Variants in UGGT2 observed in about 807,000 individuals in gnomAD.
The protein encoded by UGGT2 is UDP-glucose:glycoprotein glucosyltransferase 2.
A neutral mutation model predicts 192.1 loss-of-function variants in UGGT2; 180 were observed. The observed-to-expected ratio is 0.94, with a 90% CI of 0.83 to 1.06. The LOEUF (loss-of-function observed/expected upper bound fraction) is 1.06. Among genes scored for constraint, UGGT2 ranks in the 50% least tolerant of loss-of-function variants. The pLI is 0.00. For missense variants in UGGT2, 1,849 were observed against 1,795.7 expected (o/e 1.03, Z -0.54); for synonymous variants, 580 against 591.0 (o/e 0.98, Z 0.27).
At position 95,902,885 on chromosome 13, in the gene UGGT2, G is replaced by T. The variant is rs778301674; in HGVS notation, c.2471C>A (p.Ser824Tyr). Residue 824 changes from serine to tyrosine, a missense_variant, in exon 21 of 39, where the codon TCT (serine) becomes TAT (tyrosine). Transcript: ENST00000376747. ...AAGGAATGTTTTAATTTTATCTCCA[G>T]AGTAAATAGCTGTAGCAATTTCTTC... is the stretch of plus-strand genomic sequence containing the variant. Reference protein sequence around the residue: ...AKEEIATAIYSGDKIKTFLIE... With the variant: ...AKEEIATAIYYGDKIKTFLIE... The T allele has an allele frequency of 6.2e-7, 1 of 1,613,258 alleles. No individual in the cohort carries two copies. Among genetic ancestry groups the T allele is most frequent in the African/African-American group, 1.3e-5 (1 of 74,990 alleles).
At chr13:96,028,326 T>C (rs1239460529) in intron 2 of UGGT2, among the ~76,000 whole-genome samples, 1 of 152,256 alleles carries the variant, frequency 6.6e-6, no homozygotes, top group East Asian at 1.9e-4. Flanking sequence ...TTAACATTTT[T>C]TGAAAATTTC....
At position 95,905,725 on chromosome 13, in the gene UGGT2, T is replaced by C. The variant is rs1048619564; in HGVS notation, c.2296-2665A>G. 6.6e-5 allele frequency among the ~76,000 whole-genome samples: 10 copies of C among 152,352 alleles called. No homozygotes were observed. In the East Asian group the frequency reaches 1.2e-3, roughly 18 times the overall value. The stretch of plus-strand genomic sequence containing the variant: ...CCTTGTAGTATAGTTTGAAGTCAGA[T>C]AGTGTGATGCCTCCAGCTTTGTTCT... On this transcript the variant is annotated intron_variant, in intron 20 of 38. Coordinates refer to ENST00000376747, the MANE Select transcript of UGGT2 (RefSeq NM_020121.4).
At chr13:95,931,879 GC>G (rs779709451) in intron 17 of UGGT2, among the ~76,000 whole-genome samples, 112 of 152,282 alleles carry the variant, frequency 7.4e-4, no homozygotes, top group Non-Finnish European at 1.4e-3. Flanking sequence ...CCAGAGAGGG[GC>G]CCCCACAGTG....
chr13:95,947,460 A>AT (rs1386856731), intron 14 of UGGT2, among the ~76,000 whole-genome samples: 6 of 149,292 alleles, frequency 4.0e-5, no homozygotes, highest in Admixed American at 6.6e-5. Flanking sequence ...TTTTATTTTT[A>AT]TTTTTTTTGA....
At chr13:95,859,773 T>G (rs1889984083) in intron 32 of UGGT2, 98 bp from the exon 33 acceptor site, 2 of 883,790 alleles carry the variant, frequency 2.3e-6, no homozygotes, top group Admixed American at 6.8e-5. Context: ...TAATTTTAAT[T>G]TCTTAAATTT....
intron 12 of UGGT2, among the ~76,000 whole-genome samples, chr13:95,954,377 C>A (rs1216806537): frequency 6.6e-6 from 1 of 152,182 alleles, no homozygotes; most frequent in African/African-American, 2.4e-5. Context: ...GGGAGTCAGA[C>A]AGGCCTCATT....
chr13:95,844,189 T>C (rs967325356), intron 36 of UGGT2, among the ~76,000 whole-genome samples: 1 of 152,148 alleles, frequency 6.6e-6, no homozygotes, highest in Non-Finnish European at 1.5e-5. Flanking sequence ...CTTCAACTCC[T>C]GACCTCAAGT....
chr13:95,991,853 CAGTCACTG>C (rs1429978327), intron 7 of UGGT2, among the ~76,000 whole-genome samples: 2 of 152,088 alleles, frequency 1.3e-5, no homozygotes, highest in Non-Finnish European at 2.9e-5. Context: ...TTGAAATGAG[CAGTCACTG>C]AGTCACTGTG....
Position 95,839,152 on chromosome 13 carries a change from C to T in UGGT2, c.4285-1950G>A, listed in dbSNP as rs1055075389. Among the ~76,000 whole-genome samples, 10 of 152,106 alleles carry T rather than the reference C, an allele frequency of 6.6e-5. 1 individual carries two copies. Among genetic ancestry groups the T allele is most frequent in the Admixed American group, 6.6e-5 (1 of 15,260 alleles). On this transcript the variant is annotated intron_variant, in intron 36 of 38. Transcript: ENST00000376747. ...GAGTTCCATGAGTACAGGACACACACACACACTACCCCCCATGCCGACTGT... is the reference window on the plus strand; with the variant it reads ...GAGTTCCATGAGTACAGGACACACATACACACTACCCCCCATGCCGACTGT...
At chr13:96,005,936 GA>G (rs963181437) in intron 5 of UGGT2, among the ~76,000 whole-genome samples, 1 of 152,154 alleles carries the variant, frequency 6.6e-6, no homozygotes, top group African/African-American at 2.4e-5. Flanking sequence ...CTCCTGACCA[GA>G]ACACCTCAAT....
intron 22 of UGGT2, 131 bp from the exon 23 acceptor site, chr13:95,895,435 T>C: frequency 1.9e-6 from 1 of 518,360 alleles, no homozygotes; most frequent in Non-Finnish European, 3.1e-6. Flanking sequence ...TGGTAGCTAT[T>C]AATCCTGCCA....
intron 13 of UGGT2, 80 bp downstream of exon 13, chr13:95,949,255 T>C (rs2049980717): frequency 7.8e-7 from 1 of 1,274,106 alleles, no homozygotes; most frequent in Non-Finnish European, 1.0e-6. Context: ...CAGATGCCTA[T>C]TCATTGACAG....
Position 95,856,140 on chromosome 13 carries a change from A to G in UGGT2, c.4008+18T>C, listed in dbSNP as rs750052284. ...AAAATGTTTGCGTATTACTAAAAATAGTAGTTAACCTTATTACCTGGTCAG... is the reference window on the plus strand; with the variant it reads ...AAAATGTTTGCGTATTACTAAAAATGGTAGTTAACCTTATTACCTGGTCAG... On this transcript the variant is annotated intron_variant, in intron 34 of 38. Transcript: ENST00000376747. 6 of 1,580,594 alleles carry G rather than the reference A, an allele frequency of 3.8e-6. No individual in the cohort carries two copies. In the Admixed American group the frequency reaches 7.8e-5, roughly 21 times the overall value.
At chr13:95,829,895 G>A (rs914778849) in intron 38 of UGGT2, among the ~76,000 whole-genome samples, 1 of 152,170 alleles carries the variant, frequency 6.6e-6, no homozygotes, top group South Asian at 2.1e-4. Context: ...CAAGGCTACA[G>A]TAACCAAAAC....
intron 36 of UGGT2, among the ~76,000 whole-genome samples, chr13:95,846,613 C>T (rs1035948776): frequency 3.3e-5 from 5 of 152,136 alleles, no homozygotes; most frequent in African/African-American, 1.2e-4. Context: ...ATATTCCCTT[C>T]TCTTCAATTT....
chr13:95,846,390 G>A (rs528919216), intron 36 of UGGT2, among the ~76,000 whole-genome samples: 5 of 151,748 alleles, frequency 3.3e-5, no homozygotes, highest in East Asian at 3.9e-4. Context: ...GTCCAGCCTC[G>A]GCTGGGCATC....
intron 38 of UGGT2, among the ~76,000 whole-genome samples, chr13:95,829,298 T>C (rs897486078): frequency 2.6e-5 from 4 of 152,158 alleles, no homozygotes; most frequent in Admixed American, 1.3e-4. Context: ...CTATTCAACA[T>C]AGTGTTGGAA....
chr13:95,978,140 G>GT lies in UGGT2; in HGVS notation c.1093-5470dup, dbSNP rs533886308. Among the ~76,000 whole-genome samples the GT allele has an allele frequency of 5.3e-3, 811 of 152,106 alleles. 10 individuals are homozygous for GT. The highest frequency in any genetic ancestry group is 0.018 in the African/African-American group (762 of 41,476). ...ACCACCATGGCACAAGTGTACCTAC[G>GT]TAACAAACCCGCATGTTCTGCATAT... On this transcript the variant is annotated intron_variant, in intron 10 of 38. Transcript: ENST00000376747.
intron 27 of UGGT2, among the ~76,000 whole-genome samples, chr13:95,883,360 G>A (rs555928882): frequency 6.6e-6 from 1 of 152,298 alleles, no homozygotes; most frequent in South Asian, 2.1e-4. Flanking sequence ...ATAGGTCAGA[G>A]GGAGGACAAT....
Sources: gnomAD v4.1 joint callset for allele counts (sites outside exome capture counted in the v4.1 genomes callset) on GRCh38, gnomAD v4.1.1 for gene constraint, MANE v1.5 for transcripts, NCBI Gene and HGNC (gene_info 2026-07-23, HGNC 2026-07-21) for gene names.